The following ZNF574 variants were observed in gnomAD, a reference collection of about 807,000 sequenced individuals.
The protein encoded by ZNF574 is zinc finger protein 574.
Under a neutral mutation model 56.6 loss-of-function variants are expected in ZNF574, and 25 were observed. The observed-to-expected ratio is 0.44, with a 90% confidence interval of 0.32 to 0.62. The LOEUF (loss-of-function observed/expected upper bound fraction) is 0.62, where lower values mean the gene tolerates loss of function less well. Among genes scored for constraint, ZNF574 ranks in the 20% least tolerant of loss-of-function variants. The probability of loss-of-function intolerance (pLI) is 0.04; values close to 1 mark genes in which losing one functional copy is unlikely to be tolerated. For missense variants in ZNF574, 1,065 were observed against 1,218.9 expected (o/e 0.87, Z 1.88); for synonymous variants, 543 against 492.1 (o/e 1.10, Z -1.37).
In ZNF574 at chr19:42,080,786, C is replaced by T. The variant is rs145027619; in HGVS notation, c.2180C>T (p.Ala727Val). The T allele has an allele frequency of 2.5e-5, 40 of 1,613,946 alleles. No homozygotes were observed. The highest frequency in any genetic ancestry group is 8.3e-5 in the Admixed American group (5 of 60,018). ...GCAGCCCTTGGAAGCACTGCTACAG[C>T]ATCCCCTGCGGCCCCTGCCCGCCGC... ...SPAALGSTAT[A>V]SPAAPARRRG... is the part of the protein sequence containing the mutation. Residue 727 changes from alanine (A) to valine (V), a missense_variant, in exon 2 of 2, where the codon GCA becomes GTA. By Grantham distance (64) the Ala-to-Val change is moderately conservative. Coordinates refer to ENST00000359044, the MANE Select transcript of ZNF574 (RefSeq NM_022752.6). The surrounding 1 kb of genome is among the most constrained non-coding windows in gnomAD (Gnocchi z 8.5).
At position 42,079,029 on chromosome 19, in the gene ZNF574, G is replaced by C; in HGVS notation, c.423G>C (p.Trp141Cys). 6.2e-7 allele frequency: 1 copy of C among 1,614,122 alleles called. No individual in the cohort carries two copies. The highest frequency in any genetic ancestry group is 8.5e-7 in the Non-Finnish European group (1 of 1,180,002). Residue 141 changes from tryptophan (W) to cysteine (C), a missense_variant, in exon 2 of 2, where the codon TGG becomes TGC. Physicochemically the swap from Trp to Cys is radical, Grantham distance 215. Coordinates refer to ENST00000359044, the MANE Select transcript of ZNF574 (RefSeq NM_022752.6). This position sits in a 1 kb window ranked among gnomAD's most constrained non-coding sequence, Gnocchi z 4.3. The part of the protein sequence containing the change: ...CKALFASQEL[W>C]LNHRQTHLRA... Reference sequence around the variant, plus strand: ...CTCTCTTTGCCAGCCAGGAGCTCTGGCTGAACCACCGGCAGACGCACCTCC... The same window carrying C: ...CTCTCTTTGCCAGCCAGGAGCTCTGCCTGAACCACCGGCAGACGCACCTCC...
upstream of ZNF574, among the ~76,000 whole-genome samples, chr19:42,071,980 G>T (rs1213866558): frequency 6.6e-6 from 1 of 151,424 alleles, no homozygotes; most frequent in Non-Finnish European, 1.5e-5. Flanking sequence ...CTCCAGCATG[G>T]GAGACAAAGC....
At chr19:42,073,216 G>C (rs1014807251), upstream of ZNF574, among the ~76,000 whole-genome samples, 7 of 152,170 alleles carry the variant, frequency 4.6e-5, no homozygotes, top group Non-Finnish European at 1.0e-4. Flanking sequence ...ACTACGACTA[G>C]TTACTTCTCT....
In ZNF574 at chr19:42,079,283, C is replaced by T. The variant is rs752966465; in HGVS notation, c.677C>T (p.Pro226Leu). 60 of 1,613,942 alleles carry T rather than the reference C, an allele frequency of 3.7e-5. No individual in the cohort carries two copies. The highest frequency in any genetic ancestry group is 4.7e-5 in the Non-Finnish European group (55 of 1,180,012). ...GAGTGCTCCCAGCTCTTCCAGCTGCCGGCGGATTTCCTGGAGCACCAGGCC... is the reference window on the plus strand; with the variant it reads ...GAGTGCTCCCAGCTCTTCCAGCTGCTGGCGGATTTCCTGGAGCACCAGGCC... ...CSECSQLFQL[P>L]ADFLEHQATH... The change falls in exon 2 of 2, where the codon CCG becomes CTG. Residue 226 changes from proline (P) to leucine (L), a missense_variant. Physicochemically the swap from Pro to Leu is moderately conservative, Grantham distance 98. Coordinates refer to ENST00000359044, the MANE Select transcript of ZNF574 (RefSeq NM_022752.6). The surrounding 1 kb of genome is among the most constrained non-coding windows in gnomAD (Gnocchi z 4.3).
Position 42,079,668 on chromosome 19 carries a change from C to T in ZNF574, c.1062C>T (p.His354=). 6.2e-7 allele frequency: 1 copy of T among 1,614,140 alleles called. No individual in the cohort carries two copies. Among genetic ancestry groups the T allele is most frequent in the Non-Finnish European group, 8.5e-7 (1 of 1,180,030 alleles). The change falls in exon 2 of 2, where the codon CAC becomes CAT. Residue 354 remains histidine, a synonymous_variant. Transcript: ENST00000359044. This position sits in a 1 kb window ranked among gnomAD's most constrained non-coding sequence, Gnocchi z 4.3. ...VFPSPSSLDQ[H]LGDHSSESHF... ...CTAGCCCTTCCAGTCTGGACCAGCA[C>T]CTTGGAGACCATAGCAGCGAGTCAC...
Position 42,080,782 on chromosome 19 carries a change from A to T in ZNF574, c.2176A>T (p.Thr726Ser). ...TCCAGCAGCCCTTGGAAGCACTGCTACAGCATCCCCTGCGGCCCCTGCCCG... is the reference window on the plus strand; with the variant it reads ...TCCAGCAGCCCTTGGAAGCACTGCTTCAGCATCCCCTGCGGCCCCTGCCCG... Reference protein sequence around the residue: ...ASPAALGSTATASPAAPARRR... With the variant: ...ASPAALGSTASASPAAPARRR... The change falls in exon 2 of 2, where the codon ACA becomes TCA. Residue 726 changes from threonine to serine, a missense_variant. Thr to Ser is a moderately conservative substitution (Grantham distance 58, BLOSUM62 1). Transcript: ENST00000359044. This position sits in a 1 kb window ranked among gnomAD's most constrained non-coding sequence, Gnocchi z 8.5. 6.2e-7 allele frequency: 1 copy of T among 1,614,008 alleles called. No individual in the cohort carries two copies. The highest frequency in any genetic ancestry group is 8.5e-7 in the Non-Finnish European group (1 of 1,180,020).
chr19:42,080,304 G>A lies in ZNF574; in HGVS notation c.1698G>A (p.Leu566=), dbSNP rs1403714731. The change falls in exon 2 of 2, where the codon CTG becomes CTA. Residue 566 remains leucine (L), a synonymous_variant. Transcript: ENST00000359044. The surrounding 1 kb of genome is among the most constrained non-coding windows in gnomAD (Gnocchi z 8.5). ...CGKAFTQSST[L]RQHRLVHAQH... is the part of the protein sequence containing the mutation. ...AGGCTTTCACGCAAAGCTCCACACT[G>A]AGGCAGCACCGCTTGGTGCATGCCC... 6.2e-7 allele frequency: 1 copy of A among 1,614,142 alleles called. No individual in the cohort carries two copies. The highest frequency in any genetic ancestry group is 1.1e-5 in the South Asian group (1 of 91,078).
At chr19:42,072,725 CCTGA>C (rs571251809), upstream of ZNF574, among the ~76,000 whole-genome samples, 50 of 152,256 alleles carry the variant, frequency 3.3e-4, no homozygotes, top group South Asian at 2.1e-4. Flanking sequence ...CACCACCATG[CCTGA>C]CTAATTTTGT....
At position 42,079,397 on chromosome 19, in the gene ZNF574, C is replaced by T; in HGVS notation, c.791C>T (p.Ser264Phe). The T allele has an allele frequency of 6.2e-7, 1 of 1,613,706 alleles. No individual in the cohort carries two copies. The change falls in exon 2 of 2, where the codon TCT becomes TTT. Residue 264 changes from serine (S) to phenylalanine (F), a missense_variant. Coordinates refer to ENST00000359044, the MANE Select transcript of ZNF574 (RefSeq NM_022752.6). This position sits in a 1 kb window ranked among gnomAD's most constrained non-coding sequence, Gnocchi z 4.3. ...QASSPAEVPV[S>F]QPDPLPASDH... ...TCGTCACCTGCAGAGGTGCCTGTGT[C>T]TCAGCCTGACCCCTTGCCAGCTTCT...
chr19:42,070,829 G>C (rs559712783), intron 1 of ZNF574: 5 of 152,950 alleles, frequency 3.3e-5, no homozygotes, highest in African/African-American at 1.2e-4. Context: ...ACAGGGCAGG[G>C]AGAGAGCCAA....
chr19:42,073,978 C>T (rs1404054566), upstream of ZNF574, among the ~76,000 whole-genome samples: 1 of 150,794 alleles, frequency 6.6e-6, no homozygotes, highest in Non-Finnish European at 1.5e-5. Flanking sequence ...ACTAAAAATA[C>T]AAAAATTAGC....
intron 1 of ZNF574, among the ~76,000 whole-genome samples, chr19:42,069,925 G>T (rs889241501): frequency 6.6e-6 from 1 of 152,168 alleles, no homozygotes; most frequent in Non-Finnish European, 1.5e-5. Context: ...GGGGGCAAAT[G>T]AGGTGGAGAG....
In ZNF574 at chr19:42,079,851, A is replaced by G. The variant is rs199886309; in HGVS notation, c.1245A>G (p.Val415=). 135 of 1,614,018 alleles carry G rather than the reference A, an allele frequency of 8.4e-5. No individual in the cohort carries two copies. The highest frequency in any genetic ancestry group is 1.8e-4 in the Admixed American group (11 of 60,004). ...TTTATCACCGGCGTACTCATGGGGT[A>G]GGGGGTGTCCCTCTGCCCACAACAC... ...KFLYHRRTHG[V]GGVPLPTTPV... is the part of the protein sequence containing the mutation. Residue 415 remains valine (V), a synonymous_variant, in exon 2 of 2, where the codon GTA becomes GTG. Coordinates refer to ENST00000359044, the MANE Select transcript of ZNF574 (RefSeq NM_022752.6). This position sits in a 1 kb window ranked among gnomAD's most constrained non-coding sequence, Gnocchi z 4.3.
upstream of ZNF574, among the ~76,000 whole-genome samples, chr19:42,074,150 AAAATT>A (rs1460207036): frequency 6.0e-5 from 9 of 149,244 alleles, no homozygotes; most frequent in Admixed American, 4.0e-4. Flanking sequence ...AAAAAAAAAA[AAAATT>A]AAATTAAATT....
upstream of ZNF574, among the ~76,000 whole-genome samples, chr19:42,071,536 T>A (rs1049921714): frequency 1.3e-5 from 2 of 152,064 alleles, no homozygotes; most frequent in Non-Finnish European, 2.9e-5. Context: ...TGGACACACA[T>A]CTGACACATA....
chr19:42,079,029 G>T lies in ZNF574; in HGVS notation c.423G>T (p.Trp141Cys), dbSNP rs1446875320. ...CKALFASQEL[W>C]LNHRQTHLRA... ...CTCTCTTTGCCAGCCAGGAGCTCTGGCTGAACCACCGGCAGACGCACCTCC... is the reference window on the plus strand; with the variant it reads ...CTCTCTTTGCCAGCCAGGAGCTCTGTCTGAACCACCGGCAGACGCACCTCC... Residue 141 changes from tryptophan to cysteine, a missense_variant, in exon 2 of 2, where the codon TGG becomes TGT. Transcript: ENST00000359044. The surrounding 1 kb of genome is among the most constrained non-coding windows in gnomAD (Gnocchi z 4.3). The T allele has an allele frequency of 6.2e-7, 1 of 1,614,122 alleles. No individual in the cohort carries two copies. The highest frequency in any genetic ancestry group is 1.7e-5 in the Admixed American group (1 of 60,018).
upstream of ZNF574, among the ~76,000 whole-genome samples, chr19:42,074,456 TAAATAAAATA>T (rs58694360): frequency 6.7e-3 from 973 of 146,040 alleles, 7 homozygotes; most frequent in South Asian, 0.024. Flanking sequence ...CTCTGTCTCA[TAAATAAAATA>T]AAATAAAATA....
In ZNF574 at chr19:42,081,418, C is replaced by T; in HGVS notation, c.*121C>T. 2 of 1,334,388 alleles carry T rather than the reference C, an allele frequency of 1.5e-6. No homozygotes were observed. The highest frequency in any genetic ancestry group is 2.1e-6 in the Non-Finnish European group (2 of 940,950). The allele number at this position is 1,334,388 out of a possible 1,614,324, so 82.7% of individuals were successfully genotyped here. Reference sequence around the variant, plus strand: ...TCCCATCCCCACCACCTTGTAAGTTCTAAATTGGATTTATTCTCTCGTGAG... The same window carrying T: ...TCCCATCCCCACCACCTTGTAAGTTTTAAATTGGATTTATTCTCTCGTGAG... On this transcript the variant is annotated 3_prime_UTR_variant, in exon 2 of 2. Transcript: ENST00000359044.
At position 42,079,811 on chromosome 19, in the gene ZNF574, A is replaced by G. The variant is rs201386033; in HGVS notation, c.1205A>G (p.Asn402Ser). ...TGTCCATGTGGGAAGACCTTTGTCA[A>G]CCTTACCAAGTTCCTTTATCACCGG... ...HSCPCGKTFV[N>S]LTKFLYHRRT... The change falls in exon 2 of 2, where the codon AAC becomes AGC. Residue 402 changes from asparagine to serine, a missense_variant. Physicochemically the swap from Asn to Ser is conservative, Grantham distance 46. Transcript: ENST00000359044. The surrounding 1 kb of genome is among the most constrained non-coding windows in gnomAD (Gnocchi z 4.3). The G allele has an allele frequency of 6.2e-7, 1 of 1,614,002 alleles. No homozygotes were observed. Among genetic ancestry groups the G allele is most frequent in the East Asian group, 2.2e-5 (1 of 44,842 alleles).
Sources: gnomAD v4.1 joint callset for allele counts (sites outside exome capture counted in the v4.1 genomes callset) on GRCh38, gnomAD v4.1.1 for gene constraint, Gnocchi (gnomAD v3.1) non-coding constraint, MANE v1.5 for transcripts, NCBI Gene and HGNC (gene_info 2026-07-23, HGNC 2026-07-21) for gene names.